The following TENM4 variants were observed in gnomAD, a reference collection of about 807,000 sequenced individuals.
The protein encoded by TENM4 is teneurin-4.
In TENM4, 82 loss-of-function variants were observed where a neutral mutation model predicts 243.3. The ratio of observed to expected loss-of-function variants is 0.34; its 90% CI spans 0.28 to 0.40. TENM4 has a LOEUF of 0.40. Among genes scored for constraint, TENM4 ranks in the 10% least tolerant of loss-of-function variants. The probability of loss-of-function intolerance (pLI) is 1.00; values close to 1 mark genes in which losing one functional copy is unlikely to be tolerated. For synonymous variants in TENM4, 1,412 were observed against 1,456.3 expected, an observed-to-expected ratio of 0.97 and a Z score of 0.69; for missense variants, 3,138 against 3,673.3, an observed-to-expected ratio of 0.85 and a Z score of 3.77.
intron 19 of TENM4, among the ~76,000 whole-genome samples, chr11:78,740,305 G>C (rs186735489): frequency 1.3e-5 from 2 of 152,280 alleles, no homozygotes; most frequent in East Asian, 1.9e-4. Context: ...ACTAGTGTCA[G>C]CTTGTCCTTT....
At chr11:79,281,526 A>G (rs1418219434) in intron 2 of TENM4, among the ~76,000 whole-genome samples, 1 of 152,214 alleles carries the variant, frequency 6.6e-6, no homozygotes, top group East Asian at 1.9e-4. Flanking sequence ...AGTGAAATTC[A>G]GAGTTATCTG....
At chr11:78,791,576 A>C (rs1857057653) in intron 15 of TENM4, among the ~76,000 whole-genome samples, 1 of 152,234 alleles carries the variant, frequency 6.6e-6, no homozygotes, top group Non-Finnish European at 1.5e-5. Flanking sequence ...CACAGTGGGC[A>C]CTGGAGATCC....
In TENM4 at chr11:79,337,785, A is replaced by G. The variant is rs187617793; in HGVS notation, c.-320-40242T>C. Among the ~76,000 whole-genome samples the G allele has an allele frequency of 3.3e-3, 503 of 152,322 alleles. 5 individuals are homozygous for G. Among genetic ancestry groups the G allele is most frequent in the Non-Finnish European group, 3.1e-3 (212 of 68,028 alleles). On this transcript the variant is annotated intron_variant, in intron 1 of 33. Coordinates refer to ENST00000278550, the MANE Select transcript of TENM4 (RefSeq NM_001098816.3). ...AGATCTCTGAGACCTTATCACAGCC[A>G]TCCTTGCCAGAGTGGGTTTCTGCCC...
chr11:78,977,282 T>C (rs1857683414), intron 6 of TENM4, among the ~76,000 whole-genome samples: 1 of 152,336 alleles, frequency 6.6e-6, no homozygotes, highest in East Asian at 1.9e-4. Context: ...ATTAATTACA[T>C]CTGCAACAAC....
intron 20 of TENM4, among the ~76,000 whole-genome samples, chr11:78,735,319 C>T (rs1459697974): frequency 6.6e-6 from 1 of 152,140 alleles, no homozygotes; most frequent in Non-Finnish European, 1.5e-5. Flanking sequence ...CAGGAGAATA[C>T]CCATGGTTTT....
chr11:78,850,610 A>G (rs1858513117), intron 12 of TENM4, among the ~76,000 whole-genome samples: 1 of 152,196 alleles, frequency 6.6e-6, no homozygotes, highest in Admixed American at 6.5e-5. Context: ...CTGTTTTTGT[A>G]TTAGAGAAAA....
chr11:78,942,365 A>T (rs1856917447), intron 6 of TENM4, among the ~76,000 whole-genome samples: 1 of 136,344 alleles, frequency 7.3e-6, no homozygotes, highest in Non-Finnish European at 1.5e-5. Flanking sequence ...GGATCACCTG[A>T]GCCTGGGAGG....
In TENM4 at chr11:79,421,705, T is replaced by TA. The variant is rs761710897; in HGVS notation, c.-321+18803dup. ...GTGTAATCTTCCCTGGCTCTGAAAT[T>TA]AAAAAAAAAAAAAAACAGTTATCAG... On this transcript the variant is annotated intron_variant, in intron 1 of 33. Transcript: ENST00000278550. 4.3e-3 allele frequency among the ~76,000 whole-genome samples: 596 copies of TA among 137,138 alleles called. 9 individuals are homozygous for TA. The highest frequency in any genetic ancestry group is 0.027 in the South Asian group (117 of 4,338). The allele number at this position is 137,138 out of a possible 152,430, so 90.0% of individuals were successfully genotyped here.
chr11:78,979,303 AG>A (rs1190221388), intron 6 of TENM4, among the ~76,000 whole-genome samples: 1 of 152,206 alleles, frequency 6.6e-6, no homozygotes, highest in Non-Finnish European at 1.5e-5. Flanking sequence ...GAAGTCGATT[AG>A]GTCCCTCACC....
At chr11:78,831,364 C>T (rs534521192) in intron 12 of TENM4, among the ~76,000 whole-genome samples, 7 of 152,332 alleles carry the variant, frequency 4.6e-5, no homozygotes, top group Admixed American at 2.0e-4. Context: ...AGCTCCTGGC[C>T]GGGTGAAGAG....
At chr11:78,727,137 A>G (rs185872814) in intron 22 of TENM4, among the ~76,000 whole-genome samples, 20 of 152,314 alleles carry the variant, frequency 1.3e-4, no homozygotes, top group Admixed American at 2.6e-4. Context: ...GACTGGTTAT[A>G]TATGGTAATT....
At chr11:79,065,478 G>A (rs951230131) in intron 5 of TENM4, among the ~76,000 whole-genome samples, 2 of 152,220 alleles carry the variant, frequency 1.3e-5, no homozygotes, top group African/African-American at 4.8e-5. Flanking sequence ...ATAAATGCTT[G>A]TTAAAATGAA....
chr11:79,298,975 G>A (rs551033306), intron 1 of TENM4, among the ~76,000 whole-genome samples: 2 of 152,154 alleles, frequency 1.3e-5, no homozygotes, highest in Admixed American at 6.5e-5. Flanking sequence ...GATAGGTTCT[G>A]TAACAACGTT....
chr11:79,046,062 A>G (rs139531137), intron 6 of TENM4, among the ~76,000 whole-genome samples: 1 of 152,312 alleles, frequency 6.6e-6, no homozygotes, highest in Non-Finnish European at 1.5e-5. Flanking sequence ...ACACAGCCAC[A>G]TCTCCTGCTG....
chr11:78,676,165 C>T lies in TENM4; in HGVS notation c.5483G>A (p.Gly1828Glu). The T allele has an allele frequency of 6.6e-7, 1 of 1,524,746 alleles. No individual in the cohort carries two copies. The highest frequency in any genetic ancestry group is 8.9e-7 in the Non-Finnish European group (1 of 1,125,450). 94.5% of individuals were successfully genotyped at this position (1,524,746 alleles called of 1,614,324 possible). Residue 1828 changes from glycine to glutamate, a missense_variant, in exon 30 of 34, where the codon GGG becomes GAG. Gly to Glu is a moderately conservative substitution (Grantham distance 98, BLOSUM62 -2). Around this residue, in one of 2 missense-constraint regions of TENM4, gnomAD observed 2,467 missense variants for 3,059.1 expected, o/e 0.81. Transcript: ENST00000278550. ...GGCCTCGCTCACCCGCAGCCGGCGC[C>T]CAAAGACAGTGACCTGGCCCCGAGC... The part of the protein sequence containing the change: ...EQARGQVTVF[G>E]RRLRVHNRNL...
At chr11:79,253,668 T>C (rs550662149) in intron 2 of TENM4, among the ~76,000 whole-genome samples, 1 of 152,220 alleles carries the variant, frequency 6.6e-6, no homozygotes, top group African/African-American at 2.4e-5. Context: ...CTGTTTTCTG[T>C]GGGGTGGGAA....
intron 1 of TENM4, among the ~76,000 whole-genome samples, chr11:79,404,205 C>G (rs1485435820): frequency 2.6e-5 from 4 of 152,210 alleles, no homozygotes; most frequent in Non-Finnish European, 4.4e-5. Flanking sequence ...AGAAAATCTG[C>G]TTTTTAAATG....
chr11:79,268,712 C>T (rs1855920566), intron 2 of TENM4, among the ~76,000 whole-genome samples: 1 of 152,118 alleles, frequency 6.6e-6, no homozygotes, highest in South Asian at 2.1e-4. Flanking sequence ...CCTTCTTGTC[C>T]CAACTCTCAT....
intron 6 of TENM4, among the ~76,000 whole-genome samples, chr11:78,984,904 C>A (rs974988571): frequency 6.6e-6 from 1 of 152,060 alleles, no homozygotes; most frequent in African/African-American, 2.4e-5. Flanking sequence ...TAGTGGCTAC[C>A]GTATTGGACA....
Sources: allele counts gnomAD v4.1 joint callset (sites outside exome capture counted in the v4.1 genomes callset), GRCh38; gene constraint gnomAD v4.1.1; regional missense constraint gnomAD v4.1.1; transcripts MANE v1.5; gene names NCBI Gene and HGNC (gene_info 2026-07-23, HGNC 2026-07-21).